ATP10D: variants seen among roughly 807,000 people sequenced by gnomAD.
ATP10D encodes ATPase phospholipid transporting 10D (putative), also known as phospholipid-transporting ATPase VD.
ATP10D carries 89 observed loss-of-function variants against 144.8 expected under a neutral mutation model. The ratio of observed to expected loss-of-function variants is 0.61; its 90% confidence interval spans 0.52 to 0.73. The LOEUF is 0.73. Among genes scored for constraint, ATP10D ranks in the 30% least tolerant of loss-of-function variants. The probability of loss-of-function intolerance (pLI) is 0.00; values close to 1 mark genes in which losing one functional copy is unlikely to be tolerated. For synonymous variants in ATP10D, 571 were observed against 615.1 expected, an observed-to-expected ratio of 0.93 and a Z score of 1.06; for missense variants, 1,603 against 1,714.8, an observed-to-expected ratio of 0.93 and a Z score of 1.15.
chr4:47,489,266 A>G (rs1560403083), intron 1 of ATP10D, among the ~76,000 whole-genome samples: 1 of 152,216 alleles, frequency 6.6e-6, no homozygotes, highest in Non-Finnish European at 1.5e-5. Context: ...TGGACAACAA[A>G]TCAAAATGTA....
intron 5 of ATP10D, among the ~76,000 whole-genome samples, chr4:47,530,582 A>C (rs1440448664): frequency 6.6e-6 from 1 of 151,992 alleles, no homozygotes; most frequent in Non-Finnish European, 1.5e-5. Flanking sequence ...CAGCCTCCTG[A>C]GTAGCTGGGA....
chr4:47,532,931 T>C (rs1263248354), intron 5 of ATP10D, among the ~76,000 whole-genome samples: 1 of 152,154 alleles, frequency 6.6e-6, no homozygotes, highest in African/African-American at 2.4e-5. Flanking sequence ...ATGGAAGCTG[T>C]ATGTGACAGC....
At chr4:47,562,379 A>G (rs560466967) in intron 14 of ATP10D, among the ~76,000 whole-genome samples, 6 of 152,326 alleles carry the variant, frequency 3.9e-5, no homozygotes, top group Non-Finnish European at 5.9e-5. Flanking sequence ...CCTTTAAAGG[A>G]CATGAACAGA....
chr4:47,561,464 C>T (rs1287877428), intron 14 of ATP10D, among the ~76,000 whole-genome samples: 1 of 152,092 alleles, frequency 6.6e-6, no homozygotes, highest in Non-Finnish European at 1.5e-5. Context: ...CAACAAATCT[C>T]TATCTTATGT....
intron 15 of ATP10D, among the ~76,000 whole-genome samples, chr4:47,564,475 G>A (rs915741495): frequency 6.6e-6 from 1 of 151,982 alleles, no homozygotes; most frequent in African/African-American, 2.4e-5. Flanking sequence ...AGTTTTTATT[G>A]AAATCAGGTG....
chr4:47,584,682 C>T (rs1192795241), intron 21 of ATP10D, among the ~76,000 whole-genome samples: 1 of 152,182 alleles, frequency 6.6e-6, no homozygotes, highest in African/African-American at 2.4e-5. Context: ...AGGCGTGAGC[C>T]ACTGTGCCTG....
intron 10 of ATP10D, among the ~76,000 whole-genome samples, chr4:47,549,193 A>G (rs1718595554): frequency 6.6e-6 from 1 of 152,236 alleles, no homozygotes; most frequent in African/African-American, 2.4e-5. Flanking sequence ...GGAGTTTTTC[A>G]TTCAACAAGC....
intron 18 of ATP10D, among the ~76,000 whole-genome samples, chr4:47,576,467 T>C (rs542079151): frequency 6.6e-6 from 1 of 152,350 alleles, no homozygotes; most frequent in South Asian, 2.1e-4. Context: ...TCCTGACCTG[T>C]AAAATGGCAA....
chr4:47,568,869 G>C lies in ATP10D; in HGVS notation c.2886G>C (p.Leu962Phe), dbSNP rs1356644065. Reference protein sequence around the residue: ...DACGMLMSTILKELQKKTQAL... With the variant: ...DACGMLMSTIFKELQKKTQAL... Reference sequence around the variant, plus strand: ...GTGGGATGCTGATGAGCACAATTTTGAAAGAACTTCAGAAGAAAACTCAAG... The same window carrying C: ...GTGGGATGCTGATGAGCACAATTTTCAAAGAACTTCAGAAGAAAACTCAAG... Residue 962 changes from leucine to phenylalanine, a missense_variant, in exon 16 of 23, where the codon TTG becomes TTC. Physicochemically the swap from Leu to Phe is conservative, Grantham distance 22. Coordinates refer to ENST00000273859, the MANE Select transcript of ATP10D (RefSeq NM_020453.4). 1.9e-6 allele frequency: 3 copies of C among 1,613,954 alleles called. No individual in the cohort carries two copies. Among genetic ancestry groups the C allele is most frequent in the Non-Finnish European group, 2.5e-6 (3 of 1,179,984 alleles).
rs1363987492 is a variant in ATP10D, at chr4:47,537,026, T to C, written c.1396+88T>C. Reference sequence around the variant, plus strand: ...TGTTGGATGTCTGACAATTCTGACATAGAAGTGGTTTATTTAATCATTGAG... The same window carrying C: ...TGTTGGATGTCTGACAATTCTGACACAGAAGTGGTTTATTTAATCATTGAG... On this transcript the variant is annotated intron_variant, in intron 9 of 22. Transcript: ENST00000273859. 11 of 1,448,808 alleles carry C rather than the reference T, an allele frequency of 7.6e-6. No homozygotes were observed. In the Admixed American group the frequency reaches 1.2e-4, roughly 16 times the overall value. 89.7% of individuals were successfully genotyped at this position (1,448,808 alleles called of 1,614,324 possible). A position where few individuals can be genotyped will look rare whatever the true frequency, so the allele number is the denominator to read the frequency against.
intron 21 of ATP10D, among the ~76,000 whole-genome samples, chr4:47,584,117 G>C (rs1027990917): frequency 6.6e-6 from 1 of 152,178 alleles, no homozygotes; most frequent in East Asian, 1.9e-4. Context: ...CATCATTAGA[G>C]AATTGTTTCT....
chr4:47,550,010 C>G (rs1718650781), intron 10 of ATP10D, among the ~76,000 whole-genome samples: 1 of 147,114 alleles, frequency 6.8e-6, no homozygotes, highest in Non-Finnish European at 1.5e-5. Flanking sequence ...GGGGTGGTGG[C>G]AATAGAAGAT....
chr4:47,515,443 C>A (rs768763145), intron 2 of ATP10D, 33 bp from the exon 3 acceptor site: 1 of 1,572,090 alleles, frequency 6.4e-7, no homozygotes, highest in Non-Finnish European at 8.6e-7. Flanking sequence ...GAAGTAACTT[C>A]TTAACACCTC....
intron 1 of ATP10D, among the ~76,000 whole-genome samples, chr4:47,487,581 C>G (rs1714837228): frequency 6.6e-6 from 1 of 152,196 alleles, no homozygotes; most frequent in African/African-American, 2.4e-5. Context: ...GATTTATCAA[C>G]TCTAGGAATA....
intron 1 of ATP10D, among the ~76,000 whole-genome samples, chr4:47,501,071 G>C (rs1168366809): frequency 1.4e-5 from 1 of 72,556 alleles, no homozygotes; most frequent in Non-Finnish European, 2.7e-5. Flanking sequence ...AATGTAAGCA[G>C]GGTGAGGGTT....
chr4:47,496,180 G>T (rs1290670328), intron 1 of ATP10D, among the ~76,000 whole-genome samples: 1 of 122,900 alleles, frequency 8.1e-6, no homozygotes, highest in Non-Finnish European at 1.7e-5. Context: ...TTTTTGAGAC[G>T]GAGTTTCACT....
chr4:47,542,061 T>C (rs1718160186), intron 9 of ATP10D, among the ~76,000 whole-genome samples: 1 of 144,052 alleles, frequency 6.9e-6, no homozygotes, highest in South Asian at 2.2e-4. Flanking sequence ...ACGATTTGGA[T>C]AAGTTTTATC....
chr4:47,584,092 G>C (rs970700305), intron 21 of ATP10D, among the ~76,000 whole-genome samples: 2 of 152,170 alleles, frequency 1.3e-5, no homozygotes, highest in African/African-American at 4.8e-5. Flanking sequence ...AACAGAGACT[G>C]CTGTTTAAAG....
Position 47,564,331 on chromosome 4 carries a change from GT to G in ATP10D, c.2853+578del, listed in dbSNP as rs529281237. On this transcript the variant is annotated intron_variant, in intron 15 of 22. Transcript: ENST00000273859. ...TGCTGAATAAAGGCATTAGAAGAAA[GT>G]TTTTTTTTTTTATTTGCTTTCCCCC... Among the ~76,000 whole-genome samples the G allele has an allele frequency of 1.7e-3, 243 of 146,986 alleles. 1 individual carries two copies. The highest frequency in any genetic ancestry group is 8.9e-3 in the South Asian group (41 of 4,582).
Sources: gnomAD v4.1 joint callset for allele counts (sites outside exome capture counted in the v4.1 genomes callset) on GRCh38, gnomAD v4.1.1 for gene constraint, MANE v1.5 for transcripts, NCBI Gene and HGNC (gene_info 2026-07-23, HGNC 2026-07-21) for gene names.